ARHGEF9: variants seen among roughly 807,000 people sequenced by gnomAD.
The protein encoded by ARHGEF9 is rho guanine nucleotide exchange factor 9.
ARHGEF9 carries 2 observed loss-of-function variants against 41.3 expected under a neutral mutation model. The observed-to-expected ratio is 0.05, with a 90% confidence interval of 0.02 to 0.15. ARHGEF9 has a LOEUF of 0.15. ARHGEF9 is among the 10% of genes least tolerant of loss of function. The probability of loss-of-function intolerance (pLI) is 1.00; values close to 1 mark genes in which losing one functional copy is unlikely to be tolerated. For missense variants in ARHGEF9, 225 were observed against 424.7 expected, an observed-to-expected ratio of 0.53 and a Z score of 4.13; for synonymous variants, 160 against 154.4, an observed-to-expected ratio of 1.04 and a Z score of -0.27.
chrX:63,729,911 C>T (rs138177137), intron 1 of ARHGEF9, among the ~76,000 whole-genome samples: 1 of 112,422 alleles, frequency 8.9e-6, no homozygotes, highest in Non-Finnish European at 1.9e-5. Context: ...GATATTATTT[C>T]TTTGTATCCA....
intron 8 of ARHGEF9, among the ~76,000 whole-genome samples, chrX:63,652,312 A>C (rs2048597432): frequency 8.9e-6 from 1 of 112,004 alleles, no homozygotes; most frequent in African/African-American, 3.2e-5. Flanking sequence ...AAAAATATGC[A>C]GAAAAAAGCG....
At chrX:63,743,853 C>A (rs1371794870) in intron 1 of ARHGEF9, among the ~76,000 whole-genome samples, 1 of 111,627 alleles carries the variant, frequency 9.0e-6, no homozygotes, top group Non-Finnish European at 1.9e-5. Context: ...TTCATAGCAG[C>A]GAGTGTGTGA....
intron 1 of ARHGEF9, among the ~76,000 whole-genome samples, chrX:63,771,153 G>C (rs1556454594): frequency 9.0e-6 from 1 of 111,651 alleles, no homozygotes; most frequent in East Asian, 2.8e-4. Flanking sequence ...TCATATGTTT[G>C]TTGACCATTT....
intron 1 of ARHGEF9, among the ~76,000 whole-genome samples, chrX:63,780,901 C>A (rs2056369770): frequency 9.0e-6 from 1 of 111,249 alleles, no homozygotes; most frequent in Non-Finnish European, 1.9e-5. Flanking sequence ...GTCCACAATC[C>A]CTCTGGTACT....
intron 9 of ARHGEF9, 41 bp downstream of exon 9, chrX:63,643,939 A>T (rs782471478): frequency 8.6e-7 from 1 of 1,167,768 alleles, no homozygotes; most frequent in Non-Finnish European, 1.2e-6. Flanking sequence ...ATAGCTTATG[A>T]TTCCATAGTC....
intron 1 of ARHGEF9, chrX:63,755,037 C>T: frequency 1.1e-6 from 1 of 938,807 alleles, no homozygotes; most frequent in East Asian, 4.2e-5. Flanking sequence ...TTTTCCTAAG[C>T]TTGCTCGCTC....
At chrX:63,656,067 A>G (rs2048861171) in intron 7 of ARHGEF9, among the ~76,000 whole-genome samples, 1 of 111,835 alleles carries the variant, frequency 8.9e-6, no homozygotes, top group Non-Finnish European at 1.9e-5. Context: ...TTTCGAAAAC[A>G]TCAGCAAGCC....
At chrX:63,701,590 T>C (rs1430705063) in intron 3 of ARHGEF9, 2 of 111,901 alleles carry the variant, frequency 1.8e-5, no homozygotes, top group East Asian at 2.8e-4. Context: ...AATGTTCAAA[T>C]TGGTGGTTTT....
intron 3 of ARHGEF9, among the ~76,000 whole-genome samples, chrX:63,697,836 A>G (rs2051862237): frequency 8.9e-6 from 1 of 111,939 alleles, no homozygotes; most frequent in Non-Finnish European, 1.9e-5. Context: ...CAGGAATAAT[A>G]GTTGTTTATC....
chrX:63,779,853 C>T (rs1415876139), intron 1 of ARHGEF9, among the ~76,000 whole-genome samples: 2 of 111,542 alleles, frequency 1.8e-5, no homozygotes, highest in African/African-American at 3.3e-5. Context: ...CCAAAAACAT[C>T]GTTTTTCCCT....
intron 9 of ARHGEF9, chrX:63,642,981 C>T (rs2047737445): frequency 1.8e-5 from 2 of 111,917 alleles, no homozygotes; most frequent in African/African-American, 6.5e-5. Flanking sequence ...CACTCAAAGA[C>T]CCTCAGCTAC....
chrX:63,655,912 A>G (rs2048849175), intron 7 of ARHGEF9, among the ~76,000 whole-genome samples, 175 bp from the exon 8 acceptor site: 1 of 111,952 alleles, frequency 8.9e-6, no homozygotes, highest in African/African-American at 3.2e-5. Flanking sequence ...AGGTTGGTTA[A>G]CTAGATGCCC....
In ARHGEF9 at chrX:63,637,616, G is replaced by T; in HGVS notation, c.*412C>A. 1 of 203,816 alleles carries T rather than the reference G, an allele frequency of 4.9e-6. No individual in the cohort carries two copies. Among genetic ancestry groups the T allele is most frequent in the Non-Finnish European group, 8.9e-6 (1 of 112,762 alleles). 16.8% of individuals were successfully genotyped at this position (203,816 alleles called of 1,213,427 possible). On this transcript the variant is annotated 3_prime_UTR_variant, in exon 10 of 10. Coordinates refer to ENST00000671741, the MANE Select transcript of ARHGEF9 (RefSeq NM_001353921.2). ...AAAAAACAATACAAACACATCTATCGTAATAATGACAAGGCAGTGAATCAC... is the reference window on the plus strand; with the variant it reads ...AAAAAACAATACAAACACATCTATCTTAATAATGACAAGGCAGTGAATCAC...
chrX:63,716,168 GTC>G (rs2053280637), intron 2 of ARHGEF9: 1 of 110,138 alleles, frequency 9.1e-6, no homozygotes, highest in Non-Finnish European at 1.9e-5. Context: ...GGTGCCTGTA[GTC>G]CCAGCTACTC....
At chrX:63,685,091 A>G (rs1556373924) in intron 4 of ARHGEF9, among the ~76,000 whole-genome samples, 1 of 111,088 alleles carries the variant, frequency 9.0e-6, no homozygotes, top group Non-Finnish European at 1.9e-5. Flanking sequence ...TGTATTATAC[A>G]CTGGAAATTT....
chrX:63,707,701 C>T (rs2052648185), intron 2 of ARHGEF9, among the ~76,000 whole-genome samples: 1 of 111,901 alleles, frequency 8.9e-6, no homozygotes, highest in African/African-American at 3.3e-5. Context: ...AATTTAGATG[C>T]ATCCCTATTT....
chrX:63,708,928 G>A (rs1201790328), intron 2 of ARHGEF9, among the ~76,000 whole-genome samples: 12 of 111,930 alleles, frequency 1.1e-4, no homozygotes, highest in South Asian at 3.8e-4. Flanking sequence ...AACATCCCCC[G>A]GGCCTAATGA....
At chrX:63,711,060 A>T (rs1227372108) in intron 2 of ARHGEF9, among the ~76,000 whole-genome samples, 3 of 111,930 alleles carry the variant, frequency 2.7e-5, no homozygotes, top group African/African-American at 9.7e-5. Context: ...GAAAATGATC[A>T]CATTTAAATA....
chrX:63,741,087 T>C (rs1464130408), intron 1 of ARHGEF9, among the ~76,000 whole-genome samples: 1 of 112,819 alleles, frequency 8.9e-6, no homozygotes, highest in Non-Finnish European at 1.9e-5. Context: ...CCAAGAAAGA[T>C]AAACTTTAAT....
Sources: allele counts gnomAD v4.1 joint callset (sites outside exome capture counted in the v4.1 genomes callset), GRCh38; gene constraint gnomAD v4.1.1; transcripts MANE v1.5; gene names NCBI Gene and HGNC (gene_info 2026-07-23, HGNC 2026-07-21).